The following IQCK variants were observed in gnomAD, a reference collection of about 807,000 sequenced individuals.
The protein encoded by IQCK is IQ domain-containing protein K.
IQCK carries 29 observed loss-of-function variants against 28.1 expected under a neutral mutation model. The ratio of observed to expected loss-of-function variants is 1.03; its 90% CI spans 0.77 to 1.41. The LOEUF (loss-of-function observed/expected upper bound fraction) is 1.41, where lower values mean the gene tolerates loss of function less well. IQCK is among the 40% of genes most tolerant of loss of function. The pLI is 0.00. For synonymous variants in IQCK, 113 were observed against 115.1 expected (o/e 0.98, Z 0.12); for missense variants, 359 against 314.7 (o/e 1.14, Z -1.07).
chr16:19,757,146 A>C (rs533568874), intron 4 of IQCK, among the ~76,000 whole-genome samples: 2 of 152,316 alleles, frequency 1.3e-5, no homozygotes, highest in East Asian at 3.9e-4. Context: ...TGTAAGCCCA[A>C]AGAGTCTCAA....
downstream of IQCK, chr16:19,827,330 C>A: frequency 6.8e-6 from 4 of 587,062 alleles, no homozygotes; most frequent in South Asian, 8.7e-5. Context: ...ATTTACAGGG[C>A]CATTTCTCTC....
At chr16:19,835,901 A>G (rs2056290720) in intron 9 of IQCK, among the ~76,000 whole-genome samples, 2 of 152,152 alleles carry the variant, frequency 1.3e-5, no homozygotes, top group African/African-American at 4.8e-5. Flanking sequence ...AAGTACCTCT[A>G]TAGGATTAAT....
At chr16:19,761,720 C>A (rs541923383) in intron 4 of IQCK, 20 of 253,574 alleles carry the variant, frequency 7.9e-5, no homozygotes, top group Non-Finnish European at 1.3e-4. Flanking sequence ...TATCTTCTCC[C>A]CATTACTCTG....
intron 4 of IQCK, among the ~76,000 whole-genome samples, chr16:19,758,015 GA>G (rs776649095): frequency 2.0e-5 from 3 of 152,102 alleles, no homozygotes; most frequent in Non-Finnish European, 4.4e-5. Flanking sequence ...TAGATTAAAA[GA>G]ATATTTTTAA....
chr16:19,782,048 A>G (rs1418150420), intron 6 of IQCK, among the ~76,000 whole-genome samples: 2 of 152,032 alleles, frequency 1.3e-5, no homozygotes, highest in African/African-American at 2.4e-5. Flanking sequence ...CCCGGTTAGG[A>G]TGGAAGGCGA....
At chr16:19,850,821 G>T (rs925708384) in intron 9 of IQCK, among the ~76,000 whole-genome samples, 4 of 151,986 alleles carry the variant, frequency 2.6e-5, no homozygotes, top group Non-Finnish European at 5.9e-5. Flanking sequence ...TAGAGACTAG[G>T]CTGGGCAACA....
intron 9 of IQCK, among the ~76,000 whole-genome samples, chr16:19,844,629 G>A (rs548391458): frequency 2.6e-5 from 4 of 152,190 alleles, no homozygotes; most frequent in Non-Finnish European, 5.9e-5. Context: ...GTAGTAAGTG[G>A]TTGAAAACGT....
chr16:19,803,235 C>G (rs1053376918), intron 7 of IQCK, among the ~76,000 whole-genome samples: 1 of 152,146 alleles, frequency 6.6e-6, no homozygotes, highest in African/African-American at 2.4e-5. Context: ...CTCCACCTCC[C>G]AGGTTCAAGC....
At chr16:19,809,665 A>G (rs2055877852) in intron 7 of IQCK, among the ~76,000 whole-genome samples, 1 of 152,228 alleles carries the variant, frequency 6.6e-6, no homozygotes, top group Non-Finnish European at 1.5e-5. Context: ...AATGAGAAGC[A>G]CGACAATGTT....
At chr16:19,810,682 T>C (rs1214273106) in intron 7 of IQCK, among the ~76,000 whole-genome samples, 4 of 151,340 alleles carry the variant, frequency 2.6e-5, no homozygotes, top group Admixed American at 6.6e-5. Context: ...GGTGGGCGCC[T>C]GTAATCCCAG....
chr16:19,737,827 A>G (rs1198080938), intron 4 of IQCK, among the ~76,000 whole-genome samples: 1 of 151,854 alleles, frequency 6.6e-6, no homozygotes, highest in African/African-American at 2.4e-5. Flanking sequence ...GCCTCTGTGC[A>G]TCTGCTTCTG....
chr16:19,778,183 G>C (rs1026236106), intron 6 of IQCK, among the ~76,000 whole-genome samples: 1 of 152,108 alleles, frequency 6.6e-6, no homozygotes, highest in African/African-American at 2.4e-5. Context: ...GAAAATTATC[G>C]AACTTGAGGA....
Position 19,730,511 on chromosome 16 carries a change from C to T in IQCK, c.246+17C>T, listed in dbSNP as rs772848291. On this transcript the variant is annotated intron_variant, in intron 2 of 7. Coordinates refer to ENST00000564186, the Ensembl canonical transcript of IQCK. ...GTGATTACGGTGAGTATTACCTAGG[C>T]CTCAACCGAAGCAAGAAGCTCTTAA... is the stretch of plus-strand genomic sequence containing the variant. 9.6e-6 allele frequency: 15 copies of T among 1,569,994 alleles called. No homozygotes were observed. Among genetic ancestry groups the T allele is most frequent in the Non-Finnish European group, 1.3e-5 (15 of 1,155,870 alleles).
intron 3 of IQCK, among the ~76,000 whole-genome samples, chr16:19,734,352 C>G (rs1036462330): frequency 6.6e-6 from 1 of 150,970 alleles, no homozygotes; most frequent in Non-Finnish European, 1.5e-5. Flanking sequence ...CAAAAATTAG[C>G]TGGGCATGGT....
chr16:19,813,154 A>T (rs2055929919), intron 7 of IQCK, among the ~76,000 whole-genome samples: 1 of 152,346 alleles, frequency 6.6e-6, no homozygotes, highest in Non-Finnish European at 1.5e-5. Flanking sequence ...CAGATCTGGG[A>T]GATAGAATGC....
At chr16:19,838,859 A>T (rs2056330007) in intron 9 of IQCK, among the ~76,000 whole-genome samples, 1 of 151,722 alleles carries the variant, frequency 6.6e-6, no homozygotes, top group South Asian at 2.1e-4. Flanking sequence ...TCTCTACTAA[A>T]AATACAATAA....
At chr16:19,771,427 C>G (rs2055319890) in intron 6 of IQCK, among the ~76,000 whole-genome samples, 1 of 152,116 alleles carries the variant, frequency 6.6e-6, no homozygotes, top group South Asian at 2.1e-4. Context: ...ATCTTTAGGA[C>G]CCAAATTCTG....
intron 9 of IQCK, among the ~76,000 whole-genome samples, chr16:19,842,055 A>T (rs1204561373): frequency 6.6e-6 from 1 of 152,122 alleles, no homozygotes. Context: ...CATGTTGGCC[A>T]GGCTGGTCTC....
At chr16:19,782,750 C>G (rs1419028389) in intron 6 of IQCK, among the ~76,000 whole-genome samples, 1 of 152,032 alleles carries the variant, frequency 6.6e-6, no homozygotes, top group Non-Finnish European at 1.5e-5. Context: ...TTGATGACAC[C>G]TCTCTAATTG....
Sources: allele counts gnomAD v4.1 joint callset (sites outside exome capture counted in the v4.1 genomes callset), GRCh38; gene constraint gnomAD v4.1.1; transcripts MANE v1.5; gene names NCBI Gene and HGNC (gene_info 2026-07-23, HGNC 2026-07-21).